The following PSMG2 variants were observed in gnomAD, a reference collection of about 807,000 sequenced individuals.
PSMG2 encodes CD40 ligand-activated specific transcript 3.
PSMG2 carries 21 observed loss-of-function variants against 31.5 expected under a neutral mutation model. The observed-to-expected ratio is 0.67, with a 90% CI of 0.47 to 0.96. The LOEUF is 0.96. PSMG2 is among the 40% of genes least tolerant of loss of function. The pLI is 0.00. For synonymous variants in PSMG2, 120 were observed against 110.4 expected, an observed-to-expected ratio of 1.09 and a Z score of -0.54; for missense variants, 318 against 321.2, an observed-to-expected ratio of 0.99 and a Z score of 0.08.
At chr18:12,678,197 G>A (rs2039213977) in intron 1 of PSMG2, 1 of 1,614,042 alleles carries the variant, frequency 6.2e-7, no homozygotes, top group Non-Finnish European at 8.5e-7. Context: ...ACACAGAGGT[G>A]GAAAGGGAGG....
intron 1 of PSMG2, among the ~76,000 whole-genome samples, chr18:12,662,538 G>A (rs2038714379): frequency 6.6e-6 from 1 of 152,222 alleles, no homozygotes; most frequent in Admixed American, 6.5e-5. Flanking sequence ...CACTTTGGGA[G>A]GCTGAGGCAG....
chr18:12,703,119 C>G lies in PSMG2; in HGVS notation c.12C>G (p.Pro4=), dbSNP rs750808603. MFV[P]CGESAPDLAG... ...ACCCCACTGCGACCATGTTCGTTCC[C>G]TGCGGGGAGTCGGCCCCCGACCTTG... Residue 4 remains proline, a synonymous_variant, in exon 1 of 7, where the codon CCC becomes CCG. Transcript: ENST00000317615. 1 of 1,612,500 alleles carries G rather than the reference C, an allele frequency of 6.2e-7. No individual in the cohort carries two copies. Among genetic ancestry groups the G allele is most frequent in the African/African-American group, 1.3e-5 (1 of 74,906 alleles).
chr18:12,690,904 T>G (rs2039732391), intron 1 of PSMG2, among the ~76,000 whole-genome samples: 1 of 151,996 alleles, frequency 6.6e-6, no homozygotes, highest in Admixed American at 6.6e-5. Context: ...ACAATTTTTT[T>G]TAAAACCCTA....
chr18:12,714,591 T>C (rs2040361152), intron 3 of PSMG2, among the ~76,000 whole-genome samples: 1 of 151,120 alleles, frequency 6.6e-6, no homozygotes, highest in Non-Finnish European at 1.5e-5. Flanking sequence ...CCTCCCAGGC[T>C]CAAGCCATTC....
intron 1 of PSMG2, chr18:12,678,407 G>C (rs747134192): frequency 6.2e-7 from 1 of 1,613,506 alleles, no homozygotes; most frequent in Admixed American, 1.7e-5. Flanking sequence ...TTCAGCAACT[G>C]GAGGTTCATC....
intron 4 of PSMG2, among the ~76,000 whole-genome samples, chr18:12,718,950 C>T (rs2040403936): frequency 6.6e-6 from 1 of 152,126 alleles, no homozygotes; most frequent in African/African-American, 2.4e-5. Context: ...AGAGAATAAG[C>T]AGAAAAGGTA....
rs542145323 is a variant in PSMG2 at position 12,678,785 on chromosome 18, G to A, written c.-37+20012G>A. On this transcript the variant is annotated intron_variant, in intron 1 of 6. Transcript: ENST00000585331. ...AACCTGACCAACATGGTGAAACCCC[G>A]TCTCTGCTAAAAATACAAAAATTAG... 8.6e-5 allele frequency among the ~76,000 whole-genome samples: 13 copies of A among 151,986 alleles called. No homozygotes were observed. In the East Asian group the frequency reaches 9.7e-4, roughly 11 times the overall value.
chr18:12,691,528 T>C, intron 1 of PSMG2: 2 of 1,448,784 alleles, frequency 1.4e-6, no homozygotes, highest in South Asian at 1.2e-5. Flanking sequence ...CTATTCATTA[T>C]CTTTAATTAC....
intron 1 of PSMG2, among the ~76,000 whole-genome samples, chr18:12,668,597 C>CAAA (rs752216074): frequency 0.077 from 5,560 of 72,338 alleles, 941 homozygotes; most frequent in Non-Finnish European, 0.091. Context: ...GATTCCATCT[C>CAAA]AAAAAAAAAA....
chr18:12,670,785 C>T (rs776001760), intron 1 of PSMG2: 1 of 151,794 alleles, frequency 6.6e-6, no homozygotes, highest in East Asian at 1.9e-4. Flanking sequence ...GCAGCTGGGA[C>T]CACAGGTGTG....
chr18:12,701,103 T>C (rs1298646183), upstream of PSMG2: 6 of 1,611,370 alleles, frequency 3.7e-6, no homozygotes, highest in East Asian at 2.2e-5. Flanking sequence ...TATTCTACCA[T>C]GGACATCCAT....
intron 3 of PSMG2, among the ~76,000 whole-genome samples, chr18:12,715,283 A>G (rs1490664191): frequency 6.6e-6 from 1 of 152,124 alleles, no homozygotes; most frequent in South Asian, 2.1e-4. Flanking sequence ...TAGTGGGATT[A>G]CAGGTGTGAG....
upstream of PSMG2, chr18:12,700,135 A>G: frequency 3.0e-6 from 1 of 328,638 alleles, no homozygotes; most frequent in Non-Finnish European, 5.5e-6. Flanking sequence ...ACTGTCTTCA[A>G]GTAATACTAT....
chr18:12,691,989 G>C (rs2039781058), intron 1 of PSMG2, among the ~76,000 whole-genome samples: 1 of 152,020 alleles, frequency 6.6e-6, no homozygotes, highest in Admixed American at 6.6e-5. Context: ...AAAGTGCTGG[G>C]ATTACCGCGC....
chr18:12,662,748 G>A (rs946624067), intron 1 of PSMG2, among the ~76,000 whole-genome samples: 1 of 152,222 alleles, frequency 6.6e-6, no homozygotes. Flanking sequence ...CTGCCCTCCA[G>A]CCTGGGCGAT....
At chr18:12,680,973 T>A in intron 1 of PSMG2, 1 of 641,266 alleles carries the variant, frequency 1.6e-6, no homozygotes, top group Non-Finnish European at 2.5e-6. Flanking sequence ...CCAAGGCGGG[T>A]GGATCACATG....
At chr18:12,686,204 A>C in intron 1 of PSMG2, 1 of 1,377,570 alleles carries the variant, frequency 7.3e-7, no homozygotes, top group Non-Finnish European at 1.0e-6. Context: ...CAAATGGATT[A>C]CAAATTCAGA....
chr18:12,712,420 T>C (rs2040340249), intron 2 of PSMG2, among the ~76,000 whole-genome samples: 1 of 152,202 alleles, frequency 6.6e-6, no homozygotes, highest in African/African-American at 2.4e-5. Context: ...GGGGAATACT[T>C]CTCTGGTTTT....
chr18:12,699,823 T>C (rs769350220), upstream of PSMG2: 1 of 1,473,310 alleles, frequency 6.8e-7, no homozygotes, highest in East Asian at 2.4e-5. Flanking sequence ...TGTTAAAATA[T>C]ACATACTTTT....
Sources: gnomAD v4.1 joint callset for allele counts (sites outside exome capture counted in the v4.1 genomes callset) on GRCh38, gnomAD v4.1.1 for gene constraint, MANE v1.5 for transcripts, NCBI Gene and HGNC (gene_info 2026-07-23, HGNC 2026-07-21) for gene names.